Variants in PEG3 observed in about 807,000 individuals in gnomAD.
PEG3 encodes the protein paternally expressed 3.
Under a neutral mutation model 35.5 loss-of-function variants are expected in PEG3, and 23 were observed. The ratio of observed to expected loss-of-function variants is 0.65; its 90% CI spans 0.47 to 0.92. The LOEUF is 0.92. Among genes scored for constraint, PEG3 ranks in the 40% least tolerant of loss-of-function variants. The pLI is 0.00. For missense variants in PEG3, 1,960 were observed against 1,985.3 expected, an observed-to-expected ratio of 0.99 and a Z score of 0.24; for synonymous variants, 707 against 697.0, an observed-to-expected ratio of 1.01 and a Z score of -0.23.
Position 56,814,409 on chromosome 19 carries a change from T to C in PEG3, c.4033A>G (p.Thr1345Ala). 1 of 1,614,068 alleles carries C rather than the reference T, an allele frequency of 6.2e-7. No individual in the cohort carries two copies. Among genetic ancestry groups the C allele is most frequent in the Non-Finnish European group, 8.5e-7 (1 of 1,179,930 alleles). ...KDCGKSFIHS[T>A]VLTKHKELHL... ...AGCTCCTTATGTTTAGTGAGGACTG[T>C]GCTATGAATAAAGGACTTACCACAA... The change falls in exon 10 of 10, where the codon ACA becomes GCA. Residue 1345 changes from threonine to alanine, a missense_variant. By Grantham distance (58) the Thr-to-Ala change is moderately conservative. This residue lies in a region of PEG3 where 416 missense variants were observed against 416.7 expected (regional missense o/e 1.00). Coordinates refer to ENST00000326441, the MANE Select transcript of PEG3 (RefSeq NM_006210.3). The surrounding 1 kb of genome is among the most constrained non-coding windows in gnomAD (Gnocchi z 5.8).
Position 56,816,834 on chromosome 19 carries a change from C to G in PEG3, c.1608G>C (p.Lys536Asn), listed in dbSNP as rs974984022. The G allele has an allele frequency of 1.2e-6, 2 of 1,614,038 alleles. No homozygotes were observed. The highest frequency in any genetic ancestry group is 1.7e-5 in the Admixed American group (1 of 60,002). The change falls in exon 10 of 10, where the codon AAG becomes AAC. Residue 536 changes from lysine (K) to asparagine (N), a missense_variant. Around this residue, in one of 5 missense-constraint regions of PEG3, gnomAD observed 798 missense variants for 782.4 expected, o/e 1.02. Coordinates refer to ENST00000326441, the MANE Select transcript of PEG3 (RefSeq NM_006210.3). ...TGAAGGCTTCCTCACATTCCTGATT[C>G]TTACATTCCACAAGATAACCTCTAG... is the stretch of plus-strand genomic sequence containing the variant. Reference protein sequence around the residue: ...IHARGYLVECKNQECEEAFMP... With the variant: ...IHARGYLVECNNQECEEAFMP...
chr19:56,824,638 G>C lies in PEG3; in HGVS notation c.18C>G (p.His6Gln). ...ACTTCTTAGGTTTGGTGGCAGACAA[G>C]TGCTTTGGAGGCAGCATTTCTCTAA... is the stretch of plus-strand genomic sequence containing the variant. MLPPK[H>Q]LSATKPKKSW... The change falls in exon 4 of 10, where the codon CAC (histidine) becomes CAG (glutamine). Residue 6 changes from histidine to glutamine, a missense_variant. Physicochemically the swap from His to Gln is conservative, Grantham distance 24. Around this residue, in one of 5 missense-constraint regions of PEG3, gnomAD observed 613 missense variants for 577.1 expected, o/e 1.06. Coordinates refer to ENST00000326441, the MANE Select transcript of PEG3 (RefSeq NM_006210.3). 2 of 1,597,308 alleles carry C rather than the reference G, an allele frequency of 1.3e-6. No individual in the cohort carries two copies. The highest frequency in any genetic ancestry group is 8.6e-7 in the Non-Finnish European group (1 of 1,168,850).
In PEG3 at chr19:56,815,097, G is replaced by T. The variant is rs919274227; in HGVS notation, c.3345C>A (p.Gly1115=). Residue 1115 remains glycine, a synonymous_variant, in exon 10 of 10, where the codon GGC becomes GGA. Coordinates refer to ENST00000326441, the MANE Select transcript of PEG3 (RefSeq NM_006210.3). ...CTGTGAGGTCTGTGAGATCCACAAA[G>T]CCCAGGCCACAGTCCTCACATTCAT... is the stretch of plus-strand genomic sequence containing the variant. The part of the protein sequence containing the change: ...KIYECEDCGL[G]FVDLTDLTDH... The T allele has an allele frequency of 7.4e-6, 12 of 1,613,780 alleles. No individual in the cohort carries two copies. The Admixed American group carries it at 8.3e-5, about 11-fold the overall frequency.
At chr19:56,837,003 A>T (rs1342562114) in intron 1 of PEG3, among the ~76,000 whole-genome samples, 8 of 148,772 alleles carry the variant, frequency 5.4e-5, no homozygotes, top group Admixed American at 2.7e-4. Context: ...AAAAAAAAAA[A>T]TTATGACAGG....
At chr19:56,834,656 A>T (rs1157948175) in intron 2 of PEG3, among the ~76,000 whole-genome samples, 1 of 152,168 alleles carries the variant, frequency 6.6e-6, no homozygotes, top group Non-Finnish European at 1.5e-5. Flanking sequence ...CGGGCAAAGG[A>T]GGTTTCCAAG....
Position 56,824,707 on chromosome 19 carries a change from G to T in PEG3, c.-52C>A. The T allele has an allele frequency of 6.6e-7, 1 of 1,522,114 alleles. No homozygotes were observed. 94.3% of individuals were successfully genotyped at this position (1,522,114 alleles called of 1,614,324 possible). A position where few individuals can be genotyped will look rare whatever the true frequency, so the allele number is the denominator to read the frequency against. Reference sequence around the variant, plus strand: ...GAACCAAACATGAGTCAACAGGAAAGACGCGGCAGCCTGTGACCGTCAGTA... The same window carrying T: ...GAACCAAACATGAGTCAACAGGAAATACGCGGCAGCCTGTGACCGTCAGTA... On this transcript the variant is annotated 5_prime_UTR_variant, in exon 4 of 10. Coordinates refer to ENST00000326441, the MANE Select transcript of PEG3 (RefSeq NM_006210.3).
chr19:56,811,478 G>A lies in PEG3; in HGVS notation c.*2197C>T, dbSNP rs1465549898. On this transcript the variant is annotated 3_prime_UTR_variant, in exon 10 of 10. Coordinates refer to ENST00000326441, the MANE Select transcript of PEG3 (RefSeq NM_006210.3). ...TATCATTTTTAAACAGTTGCATTAA[G>A]TGTCCACAGATAGGTTTAAACAATC... 1 of 975,824 alleles carries A rather than the reference G, an allele frequency of 1.0e-6. No individual in the cohort carries two copies. The allele number at this position is 975,824 out of a possible 1,614,324, so 60.4% of individuals were successfully genotyped here.
chr19:56,822,913 C>G (rs1010032415), intron 5 of PEG3, 77 bp from the exon 6 acceptor site: 2 of 1,543,824 alleles, frequency 1.3e-6, no homozygotes, highest in African/African-American at 1.4e-5. Flanking sequence ...ACAAACACCC[C>G]TCTGGAAAGA....
At chr19:56,834,679 T>TA (rs1384893439) in intron 2 of PEG3, among the ~76,000 whole-genome samples, 1 of 152,196 alleles carries the variant, frequency 6.6e-6, no homozygotes, top group African/African-American at 2.4e-5. Flanking sequence ...TCCACAGGGT[T>TA]AAGCACCATA....
At chr19:56,818,465 T>C in intron 8 of PEG3, 135 bp downstream of exon 8, 1 of 956,052 alleles carries the variant, frequency 1.0e-6, no homozygotes, top group Non-Finnish European at 1.5e-6. Context: ...TCATTTGAAA[T>C]CTTTCAAAGA....
chr19:56,823,704 T>A, intron 4 of PEG3, 25 bp from the exon 5 acceptor site: 1 of 1,613,760 alleles, frequency 6.2e-7, no homozygotes, highest in South Asian at 1.1e-5. Flanking sequence ...GTCGCCAAGT[T>A]ACTATCTCTG....
At chr19:56,836,793 A>G (rs758523631) in intron 1 of PEG3, among the ~76,000 whole-genome samples, 69 of 152,006 alleles carry the variant, frequency 4.5e-4, no homozygotes, top group Admixed American at 1.0e-3. Flanking sequence ...AAATGGCGAA[A>G]CCCCTGGTCT....
At chr19:56,822,588 C>T (rs2060605861) in intron 6 of PEG3, 165 bp downstream of exon 6, 2 of 832,718 alleles carry the variant, frequency 2.4e-6, no homozygotes, top group Non-Finnish European at 3.7e-6. Context: ...CTGGTGGTAC[C>T]GAGTGGAACT....
In PEG3 at chr19:56,817,518, T is replaced by C. The variant is rs112921506; in HGVS notation, c.924A>G (p.Glu308=). ...STHRRGICED[E]SSHGVIMEKF... Reference sequence around the variant, plus strand: ...TTTCCATTATCACTCCGTGGGAAGATTCATCTTCACAAATCCCCCGCCGGT... The same window carrying C: ...TTTCCATTATCACTCCGTGGGAAGACTCATCTTCACAAATCCCCCGCCGGT... The change falls in exon 10 of 10, where the codon GAA becomes GAG. Residue 308 remains glutamate (E), a synonymous_variant. Transcript: ENST00000326441. 3 of 1,608,254 alleles carry C rather than the reference T, an allele frequency of 1.9e-6. No individual in the cohort carries two copies. In the East Asian group the frequency reaches 6.7e-5, roughly 36 times the overall value.
intron 6 of PEG3, 64 bp downstream of exon 6, chr19:56,822,689 C>G (rs893140692): frequency 6.3e-7 from 1 of 1,590,448 alleles, no homozygotes; most frequent in Non-Finnish European, 8.6e-7. Flanking sequence ...GCACTTTCCC[C>G]TTGAACCTGT....
chr19:56,812,199 G>A lies in PEG3; in HGVS notation c.*1476C>T. The A allele has an allele frequency of 2.0e-6, 2 of 981,702 alleles. No individual in the cohort carries two copies. The highest frequency in any genetic ancestry group is 2.4e-6 in the Non-Finnish European group (2 of 826,794). 60.8% of individuals were successfully genotyped at this position (981,702 alleles called of 1,614,324 possible). ...ATTTCTTAATATAGTTATTATGCGA[G>A]GGGAGGGGAAGCAAAGGAGCACAGG... On this transcript the variant is annotated 3_prime_UTR_variant, in exon 10 of 10. Transcript: ENST00000326441.
Position 56,816,319 on chromosome 19 carries a change from G to T in PEG3, c.2123C>A (p.Ser708Tyr). 6.2e-7 allele frequency: 1 copy of T among 1,614,142 alleles called. No individual in the cohort carries two copies. The highest frequency in any genetic ancestry group is 8.5e-7 in the Non-Finnish European group (1 of 1,179,994). The change falls in exon 10 of 10, where the codon TCT becomes TAT. Residue 708 changes from serine (S) to tyrosine (Y), a missense_variant. Coordinates refer to ENST00000326441, the MANE Select transcript of PEG3 (RefSeq NM_006210.3). ...TCTGCCTTCAAAGAGGTTCTTTCGA[G>T]AATGAATTTTCTGATGCTCACTGAG... ...SELSEHQKIH[S>Y]RKNLFEGRGY...
intron 2 of PEG3, chr19:56,833,272 C>T: frequency 2.2e-6 from 1 of 455,220 alleles, no homozygotes; most frequent in South Asian, 1.6e-5. Context: ...ATTCAGCCCC[C>T]TAACTCGTTC....
At chr19:56,820,901 A>G (rs1019747942) in intron 7 of PEG3, among the ~76,000 whole-genome samples, 2 of 152,126 alleles carry the variant, frequency 1.3e-5, no homozygotes. Context: ...GCTCAGCCCA[A>G]TGGCTTCTCC....
Sources: allele counts gnomAD v4.1 joint callset (sites outside exome capture counted in the v4.1 genomes callset), GRCh38; gene constraint gnomAD v4.1.1; regional missense constraint gnomAD v4.1.1; non-coding constraint Gnocchi (gnomAD v3.1); transcripts MANE v1.5; gene names NCBI Gene and HGNC (gene_info 2026-07-23, HGNC 2026-07-21).